The following PTPRD variants were observed in gnomAD, a reference collection of about 807,000 sequenced individuals.
The protein encoded by PTPRD is receptor-type tyrosine-protein phosphatase delta.
A neutral mutation model predicts 214.5 loss-of-function variants in PTPRD; 34 were observed. The ratio of observed to expected loss-of-function variants is 0.16; its 90% CI spans 0.12 to 0.21. The LOEUF (loss-of-function observed/expected upper bound fraction) is 0.21, where lower values mean the gene tolerates loss of function less well. Ranked by LOEUF, PTPRD falls within the 10% of genes least tolerant of loss-of-function variation. PTPRD has a pLI of 1.00. For synonymous variants in PTPRD, 1,128 were observed against 845.7 expected (o/e 1.33, Z -5.79); for missense variants, 2,545 against 2,398.7 (o/e 1.06, Z -1.27).
At chr9:9,235,430 T>A (rs901493695) in intron 9 of PTPRD, among the ~76,000 whole-genome samples, 3 of 152,202 alleles carry the variant, frequency 2.0e-5, no homozygotes, top group Non-Finnish European at 4.4e-5. Flanking sequence ...TACATGGCTG[T>A]CCACTCTTCA....
At chr9:9,883,101 T>C (rs1936848813) in intron 5 of PTPRD, among the ~76,000 whole-genome samples, 1 of 152,186 alleles carries the variant, frequency 6.6e-6, no homozygotes, top group Admixed American at 6.6e-5. Flanking sequence ...CTTTTAGTTA[T>C]AAATTACCCA....
chr9:9,579,224 T>A (rs1204290158), intron 7 of PTPRD, among the ~76,000 whole-genome samples: 1 of 152,132 alleles, frequency 6.6e-6, no homozygotes, highest in Non-Finnish European at 1.5e-5. Context: ...TCCTCATTAA[T>A]AACTACAGTT....
chr9:8,631,132 A>G (rs923717429), intron 14 of PTPRD, among the ~76,000 whole-genome samples: 1 of 151,874 alleles, frequency 6.6e-6, no homozygotes, highest in Admixed American at 6.6e-5. Flanking sequence ...GCTGAAGTGA[A>G]CTATGTATGT....
At chr9:9,090,172 T>C (rs765492839) in intron 10 of PTPRD, among the ~76,000 whole-genome samples, 2 of 152,128 alleles carry the variant, frequency 1.3e-5, no homozygotes, top group African/African-American at 2.4e-5. Context: ...CTATGTTGTA[T>C]GTTTGTACCC....
intron 7 of PTPRD, among the ~76,000 whole-genome samples, chr9:9,667,063 T>A (rs2096737628): frequency 6.6e-6 from 1 of 152,074 alleles, no homozygotes. Context: ...TGTTAGCCAG[T>A]CTTTAAGGTG....
At chr9:9,194,112 G>T (rs1339407137) in intron 9 of PTPRD, among the ~76,000 whole-genome samples, 5 of 151,628 alleles carry the variant, frequency 3.3e-5, no homozygotes, top group Non-Finnish European at 7.4e-5. Flanking sequence ...ATTAGCCTAG[G>T]TCTACACAGG....
chr9:9,541,376 C>T (rs543054838), intron 8 of PTPRD, among the ~76,000 whole-genome samples: 3 of 151,756 alleles, frequency 2.0e-5, no homozygotes, highest in African/African-American at 7.3e-5. Context: ...ATATAGCAGT[C>T]ACATGGAGAA....
At chr9:10,531,545 G>C (rs556189711) in intron 2 of PTPRD, among the ~76,000 whole-genome samples, 172 of 152,254 alleles carry the variant, frequency 1.1e-3, no homozygotes, top group Non-Finnish European at 1.9e-3. Context: ...AAAAAGACTT[G>C]AAATTTGCTT....
chr9:9,245,611 G>A (rs1022118420), intron 9 of PTPRD, among the ~76,000 whole-genome samples: 3 of 151,724 alleles, frequency 2.0e-5, no homozygotes, highest in Admixed American at 2.0e-4. Flanking sequence ...ACACACCAGG[G>A]CCTGTTGTGG....
At chr9:8,589,801 T>C (rs2093957722) in intron 14 of PTPRD, among the ~76,000 whole-genome samples, 1 of 152,196 alleles carries the variant, frequency 6.6e-6, no homozygotes, top group Non-Finnish European at 1.5e-5. Flanking sequence ...TCCTGAACTG[T>C]GCCTACACAA....
chr9:8,762,607 T>C (rs1301983888), intron 11 of PTPRD, among the ~76,000 whole-genome samples: 3 of 152,172 alleles, frequency 2.0e-5, no homozygotes, highest in Non-Finnish European at 4.4e-5. Flanking sequence ...GCTCCTTCAA[T>C]AGAAAACCTC....
At chr9:9,117,240 T>C (rs183823093) in intron 10 of PTPRD, among the ~76,000 whole-genome samples, 324 of 151,862 alleles carry the variant, frequency 2.1e-3, no homozygotes, top group Non-Finnish European at 3.8e-3. Context: ...TTTTTTGTAC[T>C]TTCAGGGTAT....
At chr9:8,438,190 A>T (rs1001089443) in intron 34 of PTPRD, among the ~76,000 whole-genome samples, 4 of 152,168 alleles carry the variant, frequency 2.6e-5, no homozygotes, top group African/African-American at 4.8e-5. Context: ...TAGGAATTAT[A>T]CCATTGTTAA....
In PTPRD at chr9:8,736,702, C is replaced by CT. The variant is rs35782310; in HGVS notation, c.-103-2757dup. On this transcript the variant is annotated intron_variant, in intron 11 of 45. Coordinates refer to ENST00000381196, the MANE Select transcript of PTPRD (RefSeq NM_002839.4). ...CTCTACCATTCTATTAGATAGTCTC[C>CT]TTTTTTTTTTTTTAAACAGTGGGTT... is the stretch of plus-strand genomic sequence containing the variant. Among the ~76,000 whole-genome samples the CT allele has an allele frequency of 7.1e-3, 1,024 of 143,468 alleles. 7 individuals are homozygous for CT. Among genetic ancestry groups the CT allele is most frequent in the African/African-American group, 0.021 (839 of 39,378 alleles). The allele number at this position is 143,468 out of a possible 152,430, so 94.1% of individuals were successfully genotyped here.
At chr9:9,493,225 G>A (rs551652121) in intron 8 of PTPRD, among the ~76,000 whole-genome samples, 1 of 152,096 alleles carries the variant, frequency 6.6e-6, no homozygotes, top group East Asian at 1.9e-4. Context: ...CTCTGCCTGT[G>A]CTCTAGAAAT....
chr9:9,816,032 C>T (rs1053456931), intron 5 of PTPRD, among the ~76,000 whole-genome samples: 37 of 152,100 alleles, frequency 2.4e-4, no homozygotes, highest in African/African-American at 8.0e-4. Flanking sequence ...ACTCAAGAGT[C>T]ACTGCAAGGA....
intron 9 of PTPRD, among the ~76,000 whole-genome samples, chr9:9,324,764 C>T (rs759123646): frequency 7.9e-5 from 12 of 152,072 alleles, no homozygotes; most frequent in Non-Finnish European, 1.6e-4. Context: ...GAAGTCCTTG[C>T]CCATGCCTAT....
intron 11 of PTPRD, among the ~76,000 whole-genome samples, chr9:8,862,530 G>C (rs1303791531): frequency 1.3e-5 from 2 of 152,174 alleles, no homozygotes; most frequent in African/African-American, 4.8e-5. Context: ...AGATTTGAAA[G>C]CTCAAACTCA....
chr9:8,675,803 T>C (rs2097399333), intron 12 of PTPRD, among the ~76,000 whole-genome samples: 1 of 152,172 alleles, frequency 6.6e-6, no homozygotes, highest in Non-Finnish European at 1.5e-5. Context: ...CAGGGCAATT[T>C]TAGAAGCATT....
Sources: allele counts gnomAD v4.1 joint callset (sites outside exome capture counted in the v4.1 genomes callset), GRCh38; gene constraint gnomAD v4.1.1; transcripts MANE v1.5; gene names NCBI Gene and HGNC (gene_info 2026-07-23, HGNC 2026-07-21).